SPATA7: variants seen among roughly 807,000 people sequenced by gnomAD.
The protein encoded by SPATA7 is spermatogenesis-associated protein 7.
In SPATA7, 43 loss-of-function variants were observed where a neutral mutation model predicts 51.8. The ratio of observed to expected loss-of-function variants is 0.83; its 90% CI spans 0.65 to 1.07. The LOEUF (loss-of-function observed/expected upper bound fraction) is 1.07, where lower values mean the gene tolerates loss of function less well. Ranked by LOEUF, SPATA7 falls within the 50% of genes least tolerant of loss-of-function variation. SPATA7 has a pLI of 0.00. For missense variants in SPATA7, 683 were observed against 701.3 expected (o/e 0.97, Z 0.30); for synonymous variants, 230 against 252.8 (o/e 0.91, Z 0.86).
chr14:88,393,430 T>C lies in SPATA7; in HGVS notation c.132T>C (p.Thr44=), dbSNP rs760734831. The change falls in exon 3 of 12, where the codon ACT becomes ACC. Residue 44 remains threonine (T), a synonymous_variant. Transcript: ENST00000393545. ...CTDSSSLRLS[T]LQLVKNHMAV... is the part of the protein sequence containing the mutation. ...ACTCCTCTTCTCTCAGACTAAGCAC[T>C]CTCCAGCTGGTCAAGAATCACATGG... is the stretch of plus-strand genomic sequence containing the variant. 1 of 1,605,418 alleles carries C rather than the reference T, an allele frequency of 6.2e-7. No individual in the cohort carries two copies. The highest frequency in any genetic ancestry group is 8.5e-7 in the Non-Finnish European group (1 of 1,175,164).
rs1235558339 is a variant in SPATA7, at chr14:88,409,781, T to C, written c.239-6930T>C. Among the ~76,000 whole-genome samples, 3 of 152,226 alleles carry C rather than the reference T, an allele frequency of 2.0e-5. No individual in the cohort carries two copies. The East Asian group carries it at 5.8e-4, about 29-fold the overall frequency. On this transcript the variant is annotated intron_variant, in intron 4 of 11. Transcript: ENST00000393545. ...TTTAGCTGTGTCCCAGAGATTCTGG[T>C]ACATTGTGTCTTTGTTCTCATTGGT...
chr14:88,408,319 C>T (rs1446323035), intron 4 of SPATA7, among the ~76,000 whole-genome samples: 1 of 152,048 alleles, frequency 6.6e-6, no homozygotes, highest in African/African-American at 2.4e-5. Context: ...TTGAAGAGGT[C>T]CTTCACATCC....
intron 4 of SPATA7, among the ~76,000 whole-genome samples, chr14:88,412,812 C>A (rs993610419): frequency 1.3e-5 from 2 of 152,146 alleles, no homozygotes. Flanking sequence ...TTAATTAGGT[C>A]TCACTTGTCA....
chr14:88,454,987 GC>G (rs2077274872), intron 3 of SPATA7: 2 of 435,704 alleles, frequency 4.6e-6, no homozygotes, highest in African/African-American at 4.1e-5. Context: ...TGATTTCTGG[GC>G]CCCATCCCCA....
At chr14:88,421,474 G>A (rs949058337) in intron 5 of SPATA7, among the ~76,000 whole-genome samples, 2 of 152,144 alleles carry the variant, frequency 1.3e-5, no homozygotes, top group African/African-American at 2.4e-5. Context: ...CTTGAGAAAT[G>A]CTGGGAGCCA....
At chr14:88,468,395 T>A in intron 4 of SPATA7, 1 of 889,268 alleles carries the variant, frequency 1.1e-6, no homozygotes, top group Non-Finnish European at 1.7e-6. Context: ...TAGCGTCTTC[T>A]AGAAATAAGC....
chr14:88,456,884 C>T (rs1202457327), downstream of SPATA7, among the ~76,000 whole-genome samples: 1 of 152,122 alleles, frequency 6.6e-6, no homozygotes, highest in Non-Finnish European at 1.5e-5. Context: ...TTTAGTCCAT[C>T]TTGAATTAAT....
At chr14:88,436,850 A>G (rs1382126518) in intron 10 of SPATA7, among the ~76,000 whole-genome samples, 1 of 152,188 alleles carries the variant, frequency 6.6e-6, no homozygotes, top group Non-Finnish European at 1.5e-5. Context: ...ATTTGAAGTC[A>G]GGTAACATGA....
chr14:88,411,187 T>C (rs2076332354), intron 4 of SPATA7, among the ~76,000 whole-genome samples: 2 of 152,024 alleles, frequency 1.3e-5, no homozygotes, highest in South Asian at 2.1e-4. Flanking sequence ...AAAAACCACC[T>C]ACTCAAGCCT....
intron 4 of SPATA7, among the ~76,000 whole-genome samples, chr14:88,406,099 C>T (rs1478737788): frequency 6.6e-6 from 1 of 152,078 alleles, no homozygotes; most frequent in African/African-American, 2.4e-5. Context: ...TAGAAACAGG[C>T]TTTCTAGACA....
At chr14:88,451,230 C>T (rs186938043) in intron 3 of SPATA7, among the ~76,000 whole-genome samples, 17 of 152,286 alleles carry the variant, frequency 1.1e-4, no homozygotes, top group South Asian at 2.1e-4. Context: ...ACTGGAATGG[C>T]GCAATCTTGG....
chr14:88,433,236 G>T lies in SPATA7; in HGVS notation c.1160+24G>T, dbSNP rs1169326025. The T allele has an allele frequency of 2.0e-6, 3 of 1,463,448 alleles. No homozygotes were observed. The Admixed American group carries it at 5.0e-5, about 25-fold the overall frequency. 90.7% of individuals were successfully genotyped at this position (1,463,448 alleles called of 1,614,324 possible). ...AGGTTAGTTTTTTTAATGGTGTTAT[G>T]TTAATTCAGGAGTACATTAAATATT... is the stretch of plus-strand genomic sequence containing the variant. On this transcript the variant is annotated intron_variant, in intron 10 of 11. Transcript: ENST00000393545.
intron 5 of SPATA7, among the ~76,000 whole-genome samples, chr14:88,425,094 A>T (rs17124658): frequency 0.035 from 5,371 of 152,280 alleles, 311 homozygotes; most frequent in African/African-American, 0.12. Context: ...TCTGTGAGAC[A>T]CTGCACCTCA....
chr14:88,426,013 AG>A (rs2076780769), intron 5 of SPATA7, among the ~76,000 whole-genome samples: 2 of 152,232 alleles, frequency 1.3e-5, no homozygotes. Context: ...CGTTTCAGAA[AG>A]GAAATTGATT....
At chr14:88,386,591 CAT>C (rs903721110) in intron 1 of SPATA7, among the ~76,000 whole-genome samples, 1 of 152,132 alleles carries the variant, frequency 6.6e-6, no homozygotes, top group Non-Finnish European at 1.5e-5. Flanking sequence ...AGGTGGACAT[CAT>C]GTGGTGGGGT....
rs1227147156 is a variant in SPATA7, at chr14:88,433,176, CAG to C, written c.1126_1127del (p.Asp376Ter). On this transcript the variant is annotated frameshift_variant, in exon 10 of 12. Transcript: ENST00000393545. LOFTEE classifies it high-confidence loss of function. ...TATCTGAGTTTCATTGAAGATGTAA[CAG>C]ATGAAATTTTGAAACTTGGTTTATT... is the stretch of plus-strand genomic sequence containing the variant. The C allele has an allele frequency of 1.9e-6, 3 of 1,611,376 alleles. No individual in the cohort carries two copies. Among genetic ancestry groups the C allele is most frequent in the Non-Finnish European group, 2.5e-6 (3 of 1,179,358 alleles).
Position 88,427,529 on chromosome 14 carries a change from G to A in SPATA7, c.846-101G>A, listed in dbSNP as rs73327443. ...TTATGTATTTTATAAGAATAGATGGGTCTCATTCTTTTTGAGTTTATTTTT... is the reference window on the plus strand; with the variant it reads ...TTATGTATTTTATAAGAATAGATGGATCTCATTCTTTTTGAGTTTATTTTT... On this transcript the variant is annotated intron_variant, in intron 6 of 11. Coordinates refer to ENST00000393545, the MANE Select transcript of SPATA7 (RefSeq NM_018418.5). 0.011 allele frequency: 7,781 copies of A among 738,168 alleles called. 440 individuals carry two copies. The African/African-American group carries it at 0.12, about 12-fold the overall frequency. The allele number at this position is 738,168 out of a possible 1,614,324, so 45.7% of individuals were successfully genotyped here.
chr14:88,411,519 C>T (rs913198898), intron 4 of SPATA7, among the ~76,000 whole-genome samples: 1 of 152,124 alleles, frequency 6.6e-6, no homozygotes, highest in African/African-American at 2.4e-5. Context: ...GAGGGAATCT[C>T]CTGGTCCGTG....
In SPATA7 at chr14:88,426,561, TAACA is replaced by T. The variant is rs764365217; in HGVS notation, c.708_711del (p.Lys236AsnfsTer9). ...TGGATAAACATTCTGAACTCTTTTCTAACAAACAATTGCCATTCACTCCTCGCAC... is the reference window on the plus strand; with the variant it reads ...TGGATAAACATTCTGAACTCTTTTCTAACAATTGCCATTCACTCCTCGCAC... On this transcript the variant is annotated frameshift_variant, in exon 6 of 12. Coordinates refer to ENST00000393545, the MANE Select transcript of SPATA7 (RefSeq NM_018418.5). LOFTEE classifies it high-confidence loss of function. The T allele has an allele frequency of 6.2e-7, 1 of 1,614,042 alleles. No homozygotes were observed. The highest frequency in any genetic ancestry group is 1.3e-5 in the African/African-American group (1 of 74,914).
Sources: allele counts gnomAD v4.1 joint callset (sites outside exome capture counted in the v4.1 genomes callset), GRCh38; gene constraint gnomAD v4.1.1; transcripts MANE v1.5; gene names NCBI Gene and HGNC (gene_info 2026-07-23, HGNC 2026-07-21).